PGS1: variants seen among roughly 807,000 people sequenced by gnomAD.
PGS1 encodes the protein phosphatidylglycerophosphate synthase 1.
Under a neutral mutation model 58.3 loss-of-function variants are expected in PGS1, and 44 were observed. The observed-to-expected ratio is 0.75, with a 90% CI of 0.59 to 0.97. The LOEUF is 0.97. PGS1 is among the 50% of genes least tolerant of loss of function. The pLI, the probability that PGS1 is intolerant of heterozygous loss-of-function variation, is 0.00. For missense variants in PGS1, 684 were observed against 731.1 expected (o/e 0.94, Z 0.74); for synonymous variants, 330 against 311.0 (o/e 1.06, Z -0.64).
intron 7 of PGS1, among the ~76,000 whole-genome samples, chr17:78,411,563 C>T (rs531717152): frequency 4.3e-4 from 66 of 152,328 alleles, no homozygotes; most frequent in African/African-American, 1.5e-3. Flanking sequence ...CATGAACTGC[C>T]AGCAGTCAGT....
In PGS1 at chr17:78,407,528, G is replaced by C. The variant is rs534531372; in HGVS notation, c.1402+3439G>C. 2.5e-4 allele frequency among the ~76,000 whole-genome samples: 38 copies of C among 152,374 alleles called. 1 individual carries two copies. Among genetic ancestry groups the C allele is most frequent in the Admixed American group, 3.9e-4 (6 of 15,312 alleles). ...AAGGCACTTGCTGGGTACAGGCTCT[G>C]TGCCTCCTTGGGTGTGTCTGTGTTT... On this transcript the variant is annotated intron_variant, in intron 7 of 9. Transcript: ENST00000262764.
chr17:78,395,369 A>G (rs931338286), intron 2 of PGS1, among the ~76,000 whole-genome samples: 2 of 152,152 alleles, frequency 1.3e-5, no homozygotes, highest in Non-Finnish European at 2.9e-5. Context: ...CTTGTCCGGA[A>G]GCCTTTCCTA....
In PGS1 at chr17:78,389,636, C is replaced by G. The variant is rs536114158; in HGVS notation, c.144-2840C>G. 2.7e-5 allele frequency among the ~76,000 whole-genome samples: 4 copies of G among 147,138 alleles called. No individual in the cohort carries two copies. The East Asian group carries it at 6.1e-4, about 22-fold the overall frequency. On this transcript the variant is annotated intron_variant, in intron 1 of 9. Transcript: ENST00000262764. Reference sequence around the variant, plus strand: ...GTGCTCGGCCCCTTTTTTTTTGAGACGAAGTCTCACTCTGTCACTCAGGCT... The same window carrying G: ...GTGCTCGGCCCCTTTTTTTTTGAGAGGAAGTCTCACTCTGTCACTCAGGCT...
intron 1 of PGS1, among the ~76,000 whole-genome samples, chr17:78,390,062 T>TTCCCCCCCCCCCCCCCCCCCCCCC (rs2082704736): frequency 7.8e-6 from 1 of 128,606 alleles, no homozygotes; most frequent in Admixed American, 8.0e-5. Flanking sequence ...TGTTGCCTGT[T>TTCCCCCCCCCCCCCCCCCCCCCCC]CCCCCGCCCC....
intron 8 of PGS1, among the ~76,000 whole-genome samples, chr17:78,416,325 C>T (rs1013765426): frequency 6.6e-6 from 1 of 152,242 alleles, no homozygotes; most frequent in African/African-American, 2.4e-5. Context: ...AGACCTGAGC[C>T]TGCAGCTTTC....
intron 5 of PGS1, among the ~76,000 whole-genome samples, chr17:78,399,755 T>A (rs1388761165): frequency 6.6e-6 from 1 of 152,216 alleles, no homozygotes; most frequent in East Asian, 1.9e-4. Flanking sequence ...GGGCACTTAG[T>A]CTGTGCTGGC....
At chr17:78,423,583 T>G (rs2086170253) in intron 9 of PGS1, 7 of 322,814 alleles carry the variant, frequency 2.2e-5, no homozygotes, top group South Asian at 3.7e-5. Context: ...GAAGTCAGGA[T>G]TTGGGATTTA....
intron 1 of PGS1, among the ~76,000 whole-genome samples, chr17:78,385,936 C>T (rs1327382583): frequency 1.3e-5 from 2 of 152,176 alleles, no homozygotes; most frequent in Non-Finnish European, 2.9e-5. Context: ...CCTGGCTCGC[C>T]GCTTGGTCAG....
intron 1 of PGS1, among the ~76,000 whole-genome samples, chr17:78,386,124 A>T (rs993032973): frequency 6.6e-6 from 1 of 152,120 alleles, no homozygotes; most frequent in Non-Finnish European, 1.5e-5. Context: ...AGGTGACTGA[A>T]CCTTTCTCCT....
At chr17:78,390,327 G>A (rs1306315585) in intron 1 of PGS1, among the ~76,000 whole-genome samples, 1 of 99,606 alleles carries the variant, frequency 1.0e-5, no homozygotes, top group African/African-American at 3.2e-5. Flanking sequence ...GACGGGGGTG[G>A]GGGAGGAACA....
At chr17:78,411,677 G>A (rs1186344584) in intron 7 of PGS1, among the ~76,000 whole-genome samples, 1 of 152,120 alleles carries the variant, frequency 6.6e-6, no homozygotes, top group Non-Finnish European at 1.5e-5. Context: ...GAATAGTAAA[G>A]ATGTCAGGCC....
At chr17:78,387,855 C>A (rs991052604) in intron 1 of PGS1, among the ~76,000 whole-genome samples, 3 of 152,172 alleles carry the variant, frequency 2.0e-5, no homozygotes, top group African/African-American at 7.2e-5. Context: ...GCCTCAGCCT[C>A]CTAAAGCACT....
At chr17:78,388,506 T>TATTTTTTA (rs199788641) in intron 1 of PGS1, among the ~76,000 whole-genome samples, 1 of 152,020 alleles carries the variant, frequency 6.6e-6, no homozygotes, top group African/African-American at 2.4e-5. Flanking sequence ...GCTAATTTTT[T>TATTTTTTA]TTTTTTATTT....
At chr17:78,420,279 TGCCG>T in intron 9 of PGS1, 3 of 957,404 alleles carry the variant, frequency 3.1e-6, no homozygotes, top group Admixed American at 1.2e-4. Flanking sequence ...AGGAGGGGCC[TGCCG>T]CTTCACCAGA....
intron 1 of PGS1, among the ~76,000 whole-genome samples, chr17:78,383,062 CT>C (rs988427898): frequency 6.6e-6 from 1 of 152,138 alleles, no homozygotes; most frequent in African/African-American, 2.4e-5. Flanking sequence ...CTGTGGCTTA[CT>C]TTTTTTCCTT....
intron 1 of PGS1, 50 bp from the exon 2 acceptor site, chr17:78,392,426 A>G: frequency 7.3e-7 from 1 of 1,377,184 alleles, no homozygotes; most frequent in South Asian, 1.3e-5. Context: ...CTTCTGCAGA[A>G]GTATTTGAGG....
At chr17:78,392,707 T>G (rs753090548) in intron 2 of PGS1, 42 bp downstream of exon 2, 27 of 1,546,506 alleles carry the variant, frequency 1.7e-5, no homozygotes, top group Non-Finnish European at 2.7e-6. Context: ...TTAGAGCTTT[T>G]GGGGGATCAG....
At chr17:78,383,381 C>A (rs568835144) in intron 1 of PGS1, among the ~76,000 whole-genome samples, 4 of 152,284 alleles carry the variant, frequency 2.6e-5, no homozygotes, top group Non-Finnish European at 4.4e-5. Flanking sequence ...CATGTGCCAC[C>A]ACGCCCATCT....
intron 6 of PGS1, among the ~76,000 whole-genome samples, chr17:78,401,609 C>G (rs968753130): frequency 2.0e-5 from 3 of 152,158 alleles, no homozygotes; most frequent in Admixed American, 2.0e-4. Flanking sequence ...GAAGAGCTCT[C>G]TGCGTCTTGT....
Sources: gnomAD v4.1 joint callset for allele counts (sites outside exome capture counted in the v4.1 genomes callset) on GRCh38, gnomAD v4.1.1 for gene constraint, MANE v1.5 for transcripts, NCBI Gene and HGNC (gene_info 2026-07-23, HGNC 2026-07-21) for gene names.